Variants in DPP6 observed in about 807,000 individuals in gnomAD.
DPP6 encodes dipeptidyl peptidase like 6, also known as A-type potassium channel modulatory protein DPP6.
DPP6 carries 69 observed loss-of-function variants against 122.6 expected under a neutral mutation model. The observed-to-expected ratio is 0.56, with a 90% CI of 0.46 to 0.69. DPP6 has a LOEUF of 0.69. DPP6 is among the 30% of genes least tolerant of loss of function. The pLI is 0.00. For synonymous variants in DPP6, 418 were observed against 433.1 expected (o/e 0.97, Z 0.43); for missense variants, 928 against 1,116.9 (o/e 0.83, Z 2.41).
chr7:154,265,741 TGTA>T (rs543500384), intron 1 of DPP6, among the ~76,000 whole-genome samples: 1,752 of 152,264 alleles, frequency 0.012, 17 homozygotes, highest in Non-Finnish European at 0.017. Context: ...TTTATTATAT[TGTA>T]GTATATTAAA....
At chr7:154,384,374 T>G (rs895265432) in intron 1 of DPP6, among the ~76,000 whole-genome samples, 1 of 152,162 alleles carries the variant, frequency 6.6e-6, no homozygotes, top group East Asian at 1.9e-4. Context: ...ATTGAGAACA[T>G]TCAGAAAAGA....
At chr7:153,941,576 A>G (rs1166082049) in intron 1 of DPP6, among the ~76,000 whole-genome samples, 6 of 152,228 alleles carry the variant, frequency 3.9e-5, no homozygotes. Context: ...TATAAAAGGA[A>G]GGAAGAAACA....
At position 154,804,980 on chromosome 7, in the gene DPP6, C is replaced by G. The variant is rs1198226788; in HGVS notation, c.1547+16C>G. ...AACTCTACAGGTAACTCCTGCTCCC[C>G]CTGCACACAGGGCTCTCCCCCTTAG... On this transcript the variant is annotated intron_variant, in intron 15 of 25. Coordinates refer to ENST00000377770, the MANE Select transcript of DPP6 (RefSeq NM_130797.4). The G allele has an allele frequency of 1.3e-6, 2 of 1,590,690 alleles. No individual in the cohort carries two copies. The highest frequency in any genetic ancestry group is 1.1e-5 in the South Asian group (1 of 87,060).
the DPP6 span, among the ~76,000 whole-genome samples, chr7:153,790,087 T>C: frequency 6.5e-4 from 99 of 152,134 alleles, no homozygotes; most frequent in African/African-American, 2.2e-3. Context: ...AGTAACTAAC[T>C]TTTATAAATT....
rs543403693 is a variant in DPP6, at chr7:154,191,700, C to T, written c.243+138637C>T. ...GTGAACCCTGAATCAGTTAGGAATG[C>T]GTCGAGTCTGTTTCTAACCAGGCTG... On this transcript the variant is annotated intron_variant, in intron 1 of 25. Transcript: ENST00000377770. Among the ~76,000 whole-genome samples the T allele has an allele frequency of 5.3e-5, 8 of 152,244 alleles. No individual in the cohort carries two copies. In the South Asian group the frequency reaches 8.3e-4, roughly 16 times the overall value.
chr7:154,309,930 A>G (rs1806715555), intron 1 of DPP6, among the ~76,000 whole-genome samples: 1 of 151,614 alleles, frequency 6.6e-6, no homozygotes, highest in Non-Finnish European at 1.5e-5. Context: ...TAAATTATCT[A>G]AGACTCTGTA....
chr7:153,958,145 C>T (rs868026854), intron 1 of DPP6, among the ~76,000 whole-genome samples: 6 of 152,110 alleles, frequency 3.9e-5, no homozygotes, highest in Admixed American at 6.5e-5. Flanking sequence ...GCCTGGGCGA[C>T]GGAGTGAGAC....
At chr7:154,465,091 A>G (rs1338881051) in intron 2 of DPP6, among the ~76,000 whole-genome samples, 1 of 152,226 alleles carries the variant, frequency 6.6e-6, no homozygotes, top group Admixed American at 6.5e-5. Flanking sequence ...AATAATCTCA[A>G]TATTTCTAGA....
intron 3 of DPP6, among the ~76,000 whole-genome samples, chr7:154,484,518 C>T (rs143399074): frequency 2.0e-5 from 3 of 152,326 alleles, no homozygotes; most frequent in Non-Finnish European, 4.4e-5. Context: ...GCAGGCAGGC[C>T]TGGAGCTGAT....
At chr7:154,794,265 G>T in intron 11 of DPP6, 63 bp downstream of exon 11, 1 of 1,500,078 alleles carries the variant, frequency 6.7e-7, no homozygotes, top group Non-Finnish European at 9.0e-7. Context: ...ACGCGCCCGA[G>T]GTGGCGCCAG....
chr7:154,781,237 G>T (rs1797009740), intron 10 of DPP6, among the ~76,000 whole-genome samples: 1 of 152,178 alleles, frequency 6.6e-6, no homozygotes, highest in Non-Finnish European at 1.5e-5. Flanking sequence ...TGGGTGCTGA[G>T]TGTGTGAAAA....
intron 1 of DPP6, among the ~76,000 whole-genome samples, chr7:153,895,330 A>G (rs1799362733): frequency 6.6e-6 from 1 of 152,176 alleles, no homozygotes; most frequent in African/African-American, 2.4e-5. Context: ...CTCTGCAGGC[A>G]GCTCCCTGGA....
At chr7:153,987,739 G>A (rs1278159113) in intron 1 of DPP6, among the ~76,000 whole-genome samples, 2 of 152,092 alleles carry the variant, frequency 1.3e-5, no homozygotes, top group Non-Finnish European at 2.9e-5. Context: ...TTCTCCATCT[G>A]TTTCCCCTTG....
intron 10 of DPP6, among the ~76,000 whole-genome samples, chr7:154,773,188 T>C (rs1796351298): frequency 6.6e-6 from 1 of 152,216 alleles, no homozygotes; most frequent in African/African-American, 2.4e-5. Context: ...GCTGGGCTCC[T>C]CTGGGAGGGG....
At chr7:154,769,639 A>C in intron 9 of DPP6, 68 bp downstream of exon 9, 2 of 1,465,066 alleles carry the variant, frequency 1.4e-6, no homozygotes, top group Non-Finnish European at 9.1e-7. Context: ...CTGCTCACTC[A>C]GTGTGCAGAC....
chr7:154,008,207 G>A (rs952131032), intron 1 of DPP6, among the ~76,000 whole-genome samples: 4 of 152,138 alleles, frequency 2.6e-5, no homozygotes, highest in Non-Finnish European at 2.9e-5. Flanking sequence ...GAATTTAAGT[G>A]ACTTGCAAAA....
intron 15 of DPP6, among the ~76,000 whole-genome samples, 178 bp downstream of exon 15, chr7:154,805,142 T>C (rs980934010): frequency 2.0e-5 from 3 of 152,134 alleles, no homozygotes; most frequent in Non-Finnish European, 2.9e-5. Flanking sequence ...ACCAAAGGGG[T>C]AGTTTTGAGA....
At chr7:154,779,379 T>C (rs1279429369) in intron 10 of DPP6, among the ~76,000 whole-genome samples, 1 of 151,408 alleles carries the variant, frequency 6.6e-6, no homozygotes, top group African/African-American at 2.4e-5. Flanking sequence ...AGCTCTCACT[T>C]GGTCCCTGTT....
At chr7:153,797,271 T>C in the DPP6 span, among the ~76,000 whole-genome samples, 1 of 151,994 alleles carries the variant, frequency 6.6e-6, no homozygotes, top group South Asian at 2.1e-4. Context: ...AATTTGGGGG[T>C]AATTTGTTAT....
Sources: gnomAD v4.1 joint callset for allele counts (sites outside exome capture counted in the v4.1 genomes callset) on GRCh38, gnomAD v4.1.1 for gene constraint, MANE v1.5 for transcripts, NCBI Gene and HGNC (gene_info 2026-07-23, HGNC 2026-07-21) for gene names.